GRK5: variants seen among roughly 807,000 people sequenced by gnomAD.
GRK5 encodes G protein-coupled receptor kinase 5, also known as g protein-coupled receptor kinase GRK5.
Under a neutral mutation model 78.4 loss-of-function variants are expected in GRK5, and 40 were observed. The ratio of observed to expected loss-of-function variants is 0.51; its 90% CI spans 0.40 to 0.66. The LOEUF (loss-of-function observed/expected upper bound fraction) is 0.66. Among genes scored for constraint, GRK5 ranks in the 30% least tolerant of loss-of-function variants. The pLI is 0.00. For missense variants in GRK5, 598 were observed against 759.9 expected, an observed-to-expected ratio of 0.79 and a Z score of 2.50; for synonymous variants, 289 against 296.8, an observed-to-expected ratio of 0.97 and a Z score of 0.27.
chr10:119,215,747 G>A (rs1848560766), intron 1 of GRK5, among the ~76,000 whole-genome samples: 1 of 152,104 alleles, frequency 6.6e-6, no homozygotes, highest in African/African-American at 2.4e-5. Flanking sequence ...TTAAGTGCAT[G>A]ATATAGATAC....
intron 4 of GRK5, among the ~76,000 whole-genome samples, chr10:119,404,616 G>GGT (rs1397762242): frequency 6.6e-6 from 1 of 152,156 alleles, no homozygotes. Flanking sequence ...GAAGGGAAAG[G>GGT]GTGTGTATGG....
intron 4 of GRK5, among the ~76,000 whole-genome samples, chr10:119,416,288 T>C (rs914716401): frequency 5.3e-5 from 8 of 152,360 alleles, no homozygotes; most frequent in Admixed American, 4.6e-4. Context: ...CAGGGAGCAG[T>C]GCCGGGAGAG....
chr10:119,296,349 A>T (rs976631557), intron 1 of GRK5, among the ~76,000 whole-genome samples: 1 of 152,216 alleles, frequency 6.6e-6, no homozygotes, highest in Admixed American at 6.5e-5. Flanking sequence ...CAAATGCCCT[A>T]ACTGCAAGGT....
At chr10:119,302,070 TTTCCCTTGCAGGTG>T (rs1424315733) in intron 1 of GRK5, among the ~76,000 whole-genome samples, 1 of 152,208 alleles carries the variant, frequency 6.6e-6, no homozygotes, top group Non-Finnish European at 1.5e-5. Context: ...TCCTGGACTT[TTTCCCTTGCAGGTG>T]GGGTGGCAGG....
rs139703071 is a variant in GRK5, at chr10:119,328,854, C to A, written c.148+2243C>A. On this transcript the variant is annotated intron_variant, in intron 2 of 15. Coordinates refer to ENST00000392870, the MANE Select transcript of GRK5 (RefSeq NM_005308.3). ...ATGCCAGGAGTGCTATGGGGCACAG[C>A]CAGATGTGAAGGCCACTTCCTCAGA... 5.6e-3 allele frequency among the ~76,000 whole-genome samples: 852 copies of A among 152,340 alleles called. 12 individuals are homozygous for A. Among genetic ancestry groups the A allele is most frequent in the African/African-American group, 0.019 (795 of 41,570 alleles).
chr10:119,437,693 A>G (rs1564935119), intron 9 of GRK5, among the ~76,000 whole-genome samples: 2 of 152,046 alleles, frequency 1.3e-5, no homozygotes, highest in African/African-American at 4.8e-5. Flanking sequence ...TTAATAATAT[A>G]TTTTTTTGCC....
At chr10:119,441,813 G>A (rs1853041624) in intron 10 of GRK5, among the ~76,000 whole-genome samples, 186 bp from the exon 11 acceptor site, 1 of 152,156 alleles carries the variant, frequency 6.6e-6, no homozygotes, top group African/African-American at 2.4e-5. Flanking sequence ...GCATTTTCCT[G>A]TGTCCTCCCA....
chr10:119,413,967 A>G (rs1852395377), intron 4 of GRK5, among the ~76,000 whole-genome samples: 1 of 152,078 alleles, frequency 6.6e-6, no homozygotes, highest in South Asian at 2.1e-4. Context: ...CGGCCAGGGT[A>G]TGGTTGTGGG....
intron 1 of GRK5, among the ~76,000 whole-genome samples, chr10:119,255,109 G>A (rs1849260539): frequency 6.6e-6 from 1 of 151,680 alleles, no homozygotes; most frequent in African/African-American, 2.4e-5. Flanking sequence ...GCGCAGGTAA[G>A]GTCGTCAGGT....
chr10:119,272,754 AAAT>A, intron 1 of GRK5, among the ~76,000 whole-genome samples: 1 of 152,224 alleles, frequency 6.6e-6, no homozygotes, highest in East Asian at 1.9e-4. Flanking sequence ...TGAGCATTGG[AAAT>A]ACCACAGAAT....
chr10:119,208,979 TC>T (rs1263265151), intron 1 of GRK5, among the ~76,000 whole-genome samples: 1 of 152,186 alleles, frequency 6.6e-6, no homozygotes, highest in Non-Finnish European at 1.5e-5. Flanking sequence ...AAGAGGTTTT[TC>T]CCTTTCACGG....
intron 2 of GRK5, among the ~76,000 whole-genome samples, chr10:119,369,111 C>T: frequency 6.6e-6 from 1 of 152,154 alleles, no homozygotes; most frequent in East Asian, 1.9e-4. Flanking sequence ...ACAGTTAATG[C>T]AGTGTTGGAA....
intron 13 of GRK5, among the ~76,000 whole-genome samples, chr10:119,451,082 A>G (rs1341657177): frequency 5.2e-4 from 14 of 26,762 alleles, no homozygotes; most frequent in South Asian, 2.0e-3. Flanking sequence ...GCCCCCCACC[A>G]TCGTCCCTGC....
rs1014999749 is a variant in GRK5, at chr10:119,278,476, G to A, written c.53-48040G>A. ...ACAGGGAGGTCTTAAAGAGGCAGCC[G>A]ACTTTTGTGGCCTCCTTGTGAAAGC... On this transcript the variant is annotated intron_variant, in intron 1 of 15. Transcript: ENST00000392870. 2.6e-5 allele frequency among the ~76,000 whole-genome samples: 4 copies of A among 152,098 alleles called. No homozygotes were observed. The East Asian group carries it at 5.8e-4, about 22-fold the overall frequency.
At chr10:119,399,801 G>C (rs1370985466) in intron 4 of GRK5, among the ~76,000 whole-genome samples, 1 of 152,054 alleles carries the variant, frequency 6.6e-6, no homozygotes, top group Non-Finnish European at 1.5e-5. Flanking sequence ...ACATCCAAGA[G>C]CCTCACGCCC....
intron 4 of GRK5, among the ~76,000 whole-genome samples, chr10:119,409,301 C>T (rs1852295581): frequency 6.6e-6 from 1 of 152,234 alleles, no homozygotes; most frequent in African/African-American, 2.4e-5. Flanking sequence ...CTGATTTCAT[C>T]TTGGCGCCTC....
At chr10:119,273,702 A>G (rs956797191) in intron 1 of GRK5, among the ~76,000 whole-genome samples, 2 of 152,160 alleles carry the variant, frequency 1.3e-5, no homozygotes, top group African/African-American at 2.4e-5. Flanking sequence ...TGGCTGAGCC[A>G]TGTATCTGGG....
intron 1 of GRK5, among the ~76,000 whole-genome samples, chr10:119,258,744 C>A (rs1312120202): frequency 6.6e-6 from 1 of 152,140 alleles, no homozygotes; most frequent in Non-Finnish European, 1.5e-5. Flanking sequence ...CCAGGAAACT[C>A]CCCCCACCTC....
In GRK5 at chr10:119,452,823, C is replaced by G; in HGVS notation, c.1542+15C>G. On this transcript the variant is annotated intron_variant, in intron 14 of 15. Transcript: ENST00000392870. The surrounding 1 kb of genome is among the most constrained non-coding windows in gnomAD (Gnocchi z 4.4). ...GGCAAAACGAGGTGAGCAGGGCAGACCACTTGCTTTGGTCTGGGTGGGAGG... is the reference window on the plus strand; with the variant it reads ...GGCAAAACGAGGTGAGCAGGGCAGAGCACTTGCTTTGGTCTGGGTGGGAGG... 6.2e-7 allele frequency: 1 copy of G among 1,610,392 alleles called. No homozygotes were observed. Among genetic ancestry groups the G allele is most frequent in the Non-Finnish European group, 8.5e-7 (1 of 1,177,438 alleles).
Sources: allele counts gnomAD v4.1 joint callset (sites outside exome capture counted in the v4.1 genomes callset), GRCh38; gene constraint gnomAD v4.1.1; non-coding constraint Gnocchi (gnomAD v3.1); transcripts MANE v1.5; gene names NCBI Gene and HGNC (gene_info 2026-07-23, HGNC 2026-07-21).